The following DIAPH3 variants were observed in gnomAD, a reference collection of about 807,000 sequenced individuals.
The protein encoded by DIAPH3 is protein diaphanous homolog 3.
Under a neutral mutation model 144.3 loss-of-function variants are expected in DIAPH3, and 117 were observed. The ratio of observed to expected loss-of-function variants is 0.81; its 90% confidence interval spans 0.70 to 0.95. The LOEUF is 0.95. Among genes scored for constraint, DIAPH3 ranks in the 40% least tolerant of loss-of-function variants. DIAPH3 has a pLI of 0.00. For missense variants in DIAPH3, 1,421 were observed against 1,412.7 expected, an observed-to-expected ratio of 1.01 and a Z score of -0.09; for synonymous variants, 519 against 488.9, an observed-to-expected ratio of 1.06 and a Z score of -0.81.
intron 1 of DIAPH3, among the ~76,000 whole-genome samples, chr13:60,137,913 A>G (rs1004636780): frequency 6.6e-6 from 1 of 151,808 alleles, no homozygotes; most frequent in Admixed American, 6.6e-5. Flanking sequence ...TAGTGGAGAC[A>G]GGGTTTCGCC....
intron 20 of DIAPH3, among the ~76,000 whole-genome samples, chr13:59,896,351 C>T (rs1333095460): frequency 6.6e-6 from 1 of 152,106 alleles, no homozygotes; most frequent in Non-Finnish European, 1.5e-5. Flanking sequence ...ATGCCATTAA[C>T]CTGAAACTCC....
chr13:59,699,871 C>T (rs893398085), intron 27 of DIAPH3, among the ~76,000 whole-genome samples: 5 of 152,210 alleles, frequency 3.3e-5, no homozygotes, highest in African/African-American at 1.2e-4. Context: ...CGCACACACA[C>T]TCTCCCTTGG....
intron 1 of DIAPH3, among the ~76,000 whole-genome samples, chr13:60,157,083 T>C (rs1294969935): frequency 6.6e-6 from 1 of 151,310 alleles, no homozygotes; most frequent in Non-Finnish European, 1.5e-5. Context: ...TAGGTGGGAT[T>C]ACAGGCGCCC....
chr13:59,924,701 G>C (rs142891026), intron 18 of DIAPH3, 74 bp downstream of exon 18: 1 of 1,527,900 alleles, frequency 6.5e-7, no homozygotes, highest in Non-Finnish European at 8.8e-7. Flanking sequence ...ATGAATAATC[G>C]GTCTTAAAGA....
intron 3 of DIAPH3, among the ~76,000 whole-genome samples, chr13:60,103,213 C>A (rs1330466866): frequency 6.6e-6 from 1 of 151,694 alleles, no homozygotes. Flanking sequence ...CTCGTTGGAG[C>A]ACTAAGGCAC....
intron 17 of DIAPH3, among the ~76,000 whole-genome samples, chr13:59,959,249 G>A (rs2049600334): frequency 6.6e-6 from 1 of 152,112 alleles, no homozygotes; most frequent in African/African-American, 2.4e-5. Context: ...TCCTAAAATG[G>A]CCTTCCTATA....
intron 27 of DIAPH3, among the ~76,000 whole-genome samples, chr13:59,763,423 T>C (rs1354613908): frequency 6.6e-6 from 1 of 152,070 alleles, no homozygotes; most frequent in African/African-American, 2.4e-5. Flanking sequence ...CATACCTGAA[T>C]CCCAGCACTT....
intron 20 of DIAPH3, among the ~76,000 whole-genome samples, chr13:59,911,502 A>G (rs1248004234): frequency 6.6e-6 from 1 of 152,218 alleles, no homozygotes; most frequent in Non-Finnish European, 1.5e-5. Flanking sequence ...GAGCAAAAAA[A>G]TTATACATAC....
chr13:59,785,515 T>A (rs548779602), intron 25 of DIAPH3, among the ~76,000 whole-genome samples: 30 of 152,316 alleles, frequency 2.0e-4, no homozygotes, highest in African/African-American at 7.0e-4. Context: ...ATAGTATTTA[T>A]CCTCAAAGAC....
intron 27 of DIAPH3, among the ~76,000 whole-genome samples, chr13:59,705,350 C>T (rs1024457112): frequency 1.3e-5 from 2 of 152,218 alleles, no homozygotes; most frequent in African/African-American, 2.4e-5. Context: ...CACGGTGCCA[C>T]TCAGATTCTA....
chr13:59,941,089 T>C (rs1332955410), intron 17 of DIAPH3, among the ~76,000 whole-genome samples: 1 of 152,146 alleles, frequency 6.6e-6, no homozygotes, highest in Non-Finnish European at 1.5e-5. Flanking sequence ...GAGCACTGAG[T>C]ATAAAATTAG....
intron 5 of DIAPH3, among the ~76,000 whole-genome samples, chr13:60,030,171 TTTTTG>T (rs1383059601): frequency 1.3e-5 from 2 of 152,202 alleles, no homozygotes; most frequent in African/African-American, 2.4e-5. Flanking sequence ...TGATTATACC[TTTTTG>T]TTTTATTTAT....
At chr13:59,853,468 G>A (rs754518342) in intron 22 of DIAPH3, among the ~76,000 whole-genome samples, 13 of 151,984 alleles carry the variant, frequency 8.6e-5, no homozygotes, top group African/African-American at 7.3e-5. Flanking sequence ...GAGTTTTCAC[G>A]AGATCTGGTT....
intron 27 of DIAPH3, among the ~76,000 whole-genome samples, chr13:59,753,544 A>G (rs1235875964): frequency 6.6e-6 from 1 of 152,214 alleles, no homozygotes; most frequent in East Asian, 1.9e-4. Flanking sequence ...CTCTCGTGAC[A>G]CTGCCTAATG....
At chr13:59,848,317 T>TTTTTC (rs1166536791) in intron 22 of DIAPH3, among the ~76,000 whole-genome samples, 1 of 150,356 alleles carries the variant, frequency 6.7e-6, no homozygotes, top group Non-Finnish European at 1.5e-5. Context: ...CTTTTTTTTT[T>TTTTTC]TTTTTTTAAT....
intron 12 of DIAPH3, among the ~76,000 whole-genome samples, chr13:59,987,709 A>C (rs2140774772): frequency 6.6e-6 from 1 of 151,654 alleles, no homozygotes; most frequent in South Asian, 2.1e-4. Flanking sequence ...GGTTATGCCA[A>C]ATATTAGTTC....
At chr13:59,765,049 C>G (rs961165992) in intron 27 of DIAPH3, among the ~76,000 whole-genome samples, 1 of 152,070 alleles carries the variant, frequency 6.6e-6, no homozygotes, top group African/African-American at 2.4e-5. Flanking sequence ...GTAACTCTTT[C>G]TCTTGGTGGC....
intron 4 of DIAPH3, among the ~76,000 whole-genome samples, chr13:60,044,771 T>C (rs2055944662): frequency 6.6e-6 from 1 of 152,198 alleles, no homozygotes; most frequent in Non-Finnish European, 1.5e-5. Context: ...CAAATCCATC[T>C]TGAATAGTAG....
intron 18 of DIAPH3, among the ~76,000 whole-genome samples, chr13:59,923,770 C>T (rs1017187713): frequency 6.6e-6 from 1 of 152,110 alleles, no homozygotes; most frequent in African/African-American, 2.4e-5. Flanking sequence ...ACCAATGCCG[C>T]CATACTATCC....
Sources: allele counts gnomAD v4.1 joint callset (sites outside exome capture counted in the v4.1 genomes callset), GRCh38; gene constraint gnomAD v4.1.1; transcripts MANE v1.5; gene names NCBI Gene and HGNC (gene_info 2026-07-23, HGNC 2026-07-21).